SHROOM3: variants seen among roughly 807,000 people sequenced by gnomAD.
SHROOM3 encodes the protein shroom family member 3, also known as protein Shroom3.
SHROOM3 carries 47 observed loss-of-function variants against 138.6 expected under a neutral mutation model. That is an observed-to-expected ratio of 0.34 (90% CI 0.27 to 0.43). The LOEUF is 0.43. Ranked by LOEUF, SHROOM3 falls within the 20% of genes least tolerant of loss-of-function variation. The pLI, the probability that SHROOM3 is intolerant of heterozygous loss-of-function variation, is 1.00. For synonymous variants in SHROOM3, 1,062 were observed against 1,063.3 expected (o/e 1.00, Z 0.02); for missense variants, 2,491 against 2,596.5 (o/e 0.96, Z 0.88).
At position 76,779,017 on chromosome 4, in the gene SHROOM3, T is replaced by C; in HGVS notation, c.5831T>C (p.Leu1944Pro). Residue 1944 changes from leucine to proline, a missense_variant, in exon 11 of 11, where the codon CTG becomes CCG. Leu to Pro is a moderately conservative substitution (Grantham distance 98). Transcript: ENST00000296043. Reference sequence around the variant, plus strand: ...CGGAAGCTGGATGACAAGATCAAGCTGGGCCAGGAGCAGGTCAAGTGTCTG... The same window carrying C: ...CGGAAGCTGGATGACAAGATCAAGCCGGGCCAGGAGCAGGTCAAGTGTCTG... Reference protein sequence around the residue: ...EQRKLDDKIKLGQEQVKCLLE... With the variant: ...EQRKLDDKIKPGQEQVKCLLE... The C allele has an allele frequency of 1.9e-6, 3 of 1,614,208 alleles. No homozygotes were observed. Among genetic ancestry groups the C allele is most frequent in the Non-Finnish European group, 2.5e-6 (3 of 1,180,042 alleles).
chr4:76,754,993 T>C lies in SHROOM3; in HGVS notation c.4510T>C (p.Tyr1504His), dbSNP rs2110143976. The stretch of plus-strand genomic sequence containing the variant: ...GGACTCCCCGCCACCTCATGAGGAT[T>C]ATGAAGACGAAGTGTTTGTGAGGGA... ...LRDSPPPHEDYEDEVFVRDPH... is the reference protein window; with the variant it reads ...LRDSPPPHEDHEDEVFVRDPH... Residue 1504 changes from tyrosine to histidine, a missense_variant, in exon 7 of 11, where the codon TAT becomes CAT. By Grantham distance (83) the Tyr-to-His change is moderately conservative. Around this residue, in one of 4 missense-constraint regions of SHROOM3, gnomAD observed 1,733 missense variants for 1,661.6 expected, o/e 1.04. Transcript: ENST00000296043. The C allele has an allele frequency of 6.2e-7, 1 of 1,613,292 alleles. No individual in the cohort carries two copies. The highest frequency in any genetic ancestry group is 1.1e-5 in the South Asian group (1 of 91,074).
chr4:76,754,578 C>T lies in SHROOM3; in HGVS notation c.4095C>T (p.Gly1365=). ...CTCTGCCTTCAGCCATTCCCTCTGGCTACTGCTCACAGGACGGTCAGACAG... is the reference window on the plus strand; with the variant it reads ...CTCTGCCTTCAGCCATTCCCTCTGGTTACTGCTCACAGGACGGTCAGACAG... ...GTPLPSAIPS[G]YCSQDGQTGR... is the part of the protein sequence containing the mutation. The change falls in exon 7 of 11, where the codon GGC becomes GGT. Residue 1365 remains glycine, a synonymous_variant. Transcript: ENST00000296043. 1 of 1,614,148 alleles carries T rather than the reference C, an allele frequency of 6.2e-7. No homozygotes were observed. The highest frequency in any genetic ancestry group is 1.7e-5 in the Admixed American group (1 of 60,034).
intron 2 of SHROOM3, among the ~76,000 whole-genome samples, chr4:76,667,966 CA>C (rs747974205): frequency 1.2e-3 from 73 of 62,554 alleles, no homozygotes; most frequent in African/African-American, 2.9e-3. Flanking sequence ...GACTCCCTCT[CA>C]AAAAAAAAAA....
At chr4:76,586,684 G>C (rs1169357680) in intron 2 of SHROOM3, among the ~76,000 whole-genome samples, 1 of 152,166 alleles carries the variant, frequency 6.6e-6, no homozygotes, top group Non-Finnish European at 1.5e-5. Context: ...GAGAGAGCTT[G>C]ACAAATGACT....
chr4:76,708,403 G>A (rs922187985), intron 2 of SHROOM3, among the ~76,000 whole-genome samples: 1 of 151,538 alleles, frequency 6.6e-6, no homozygotes, highest in African/African-American at 2.4e-5. Flanking sequence ...AAAAAAGATG[G>A]AGTCGAAAAC....
intron 2 of SHROOM3, among the ~76,000 whole-genome samples, chr4:76,591,981 C>T (rs1409584719): frequency 6.6e-6 from 1 of 152,136 alleles, no homozygotes; most frequent in Non-Finnish European, 1.5e-5. Context: ...GTATTATAGG[C>T]TAGAAAATGA....
At chr4:76,546,470 C>G (rs1451099602) in intron 1 of SHROOM3, among the ~76,000 whole-genome samples, 1 of 152,176 alleles carries the variant, frequency 6.6e-6, no homozygotes, top group Non-Finnish European at 1.5e-5. Flanking sequence ...TGAGTAATTT[C>G]GTAGAACCTG....
At chr4:76,557,170 A>G (rs1733501219) in intron 2 of SHROOM3, among the ~76,000 whole-genome samples, 1 of 151,928 alleles carries the variant, frequency 6.6e-6, no homozygotes, top group African/African-American at 2.4e-5. Flanking sequence ...CAATCTAAGT[A>G]TCCATGGAGG....
At chr4:76,436,315 A>G in intron 1 of SHROOM3, 95 bp downstream of exon 1, 1 of 1,414,152 alleles carries the variant, frequency 7.1e-7, no homozygotes, top group Non-Finnish European at 9.9e-7. Context: ...CTGCCTTAAT[A>G]TAACTTAATT....
intron 2 of SHROOM3, among the ~76,000 whole-genome samples, chr4:76,583,309 G>A (rs1353666309): frequency 6.6e-6 from 1 of 152,154 alleles, no homozygotes; most frequent in African/African-American, 2.4e-5. Flanking sequence ...TCCATGAGTG[G>A]CCACCCAACC....
At chr4:76,602,871 G>A (rs1391607795) in intron 2 of SHROOM3, among the ~76,000 whole-genome samples, 1 of 151,928 alleles carries the variant, frequency 6.6e-6, no homozygotes, top group Non-Finnish European at 1.5e-5. Flanking sequence ...TTCAAAATGA[G>A]GATAACAGTC....
intron 1 of SHROOM3, among the ~76,000 whole-genome samples, chr4:76,536,882 G>A (rs1560537656): frequency 6.6e-6 from 1 of 152,234 alleles, no homozygotes; most frequent in Non-Finnish European, 1.5e-5. Flanking sequence ...GGAGGCTGAG[G>A]TGGGCAGATC....
intron 1 of SHROOM3, among the ~76,000 whole-genome samples, chr4:76,533,631 A>G (rs1359574874): frequency 6.6e-6 from 1 of 152,222 alleles, no homozygotes; most frequent in African/African-American, 2.4e-5. Flanking sequence ...CAATGAGTGC[A>G]GGATGTTTGA....
intron 2 of SHROOM3, among the ~76,000 whole-genome samples, chr4:76,622,314 C>T (rs1251440131): frequency 6.6e-6 from 1 of 152,020 alleles, no homozygotes; most frequent in Non-Finnish European, 1.5e-5. Context: ...AGAACCATAG[C>T]ACTTGTATTC....
At position 76,756,709 on chromosome 4, in the gene SHROOM3, C is replaced by T; in HGVS notation, c.4970C>T (p.Pro1657Leu). The T allele has an allele frequency of 6.2e-7, 1 of 1,614,108 alleles. No individual in the cohort carries two copies. Among genetic ancestry groups the T allele is most frequent in the South Asian group, 1.1e-5 (1 of 91,052 alleles). The change falls in exon 8 of 11, where the codon CCT becomes CTT. Residue 1657 changes from proline (P) to leucine (L), a missense_variant. By Grantham distance (98) the Pro-to-Leu change is moderately conservative. This residue lies in a region of SHROOM3 where 470 missense variants were observed against 595.0 expected (regional missense o/e 0.79). Transcript: ENST00000296043. ...GTQGLEKKVS[P>L]DPQKSSEDIR... Reference sequence around the variant, plus strand: ...CAGGGTTTAGAAAAGAAAGTCAGTCCTGATCCTCAGAAGAGTTCAGAAGAC... The same window carrying T: ...CAGGGTTTAGAAAAGAAAGTCAGTCTTGATCCTCAGAAGAGTTCAGAAGAC...
chr4:76,486,744 G>A (rs1157167351), intron 1 of SHROOM3, among the ~76,000 whole-genome samples: 1 of 152,056 alleles, frequency 6.6e-6, no homozygotes, highest in Non-Finnish European at 1.5e-5. Flanking sequence ...TACAATCTCA[G>A]CCCTAGTGGT....
intron 1 of SHROOM3, among the ~76,000 whole-genome samples, chr4:76,547,332 G>A (rs1296972619): frequency 3.9e-5 from 6 of 152,202 alleles, no homozygotes; most frequent in African/African-American, 9.6e-5. Flanking sequence ...CATGGAGCAA[G>A]TCATTGCCTT....
chr4:76,571,400 T>A (rs979706281), intron 2 of SHROOM3, among the ~76,000 whole-genome samples: 1 of 152,216 alleles, frequency 6.6e-6, no homozygotes, highest in Admixed American at 6.5e-5. Flanking sequence ...GGCCAATGCT[T>A]TTATTTGCTT....
chr4:76,584,874 C>T (rs1451100113), intron 2 of SHROOM3, among the ~76,000 whole-genome samples: 2 of 151,668 alleles, frequency 1.3e-5, no homozygotes, highest in Non-Finnish European at 2.9e-5. Context: ...TACTTTTGAA[C>T]GAATGCATCT....
Sources: gnomAD v4.1 joint callset for allele counts (sites outside exome capture counted in the v4.1 genomes callset) on GRCh38, gnomAD v4.1.1 for gene constraint, gnomAD v4.1.1 regional missense constraint, MANE v1.5 for transcripts, NCBI Gene and HGNC (gene_info 2026-07-23, HGNC 2026-07-21) for gene names.